NEGR1: variants seen among roughly 807,000 people sequenced by gnomAD.
NEGR1 encodes the protein neuronal growth regulator 1, also known as IgLON family member 4.
In NEGR1, 10 loss-of-function variants were observed where a neutral mutation model predicts 40.9. That is an observed-to-expected ratio of 0.24 (90% CI 0.15 to 0.42). The LOEUF is 0.42. Ranked by LOEUF, NEGR1 falls within the 10% of genes least tolerant of loss-of-function variation. The pLI, the probability that NEGR1 is intolerant of heterozygous loss-of-function variation, is 1.00. For missense variants in NEGR1, 352 were observed against 438.9 expected, an observed-to-expected ratio of 0.80 and a Z score of 1.77; for synonymous variants, 185 against 166.8, an observed-to-expected ratio of 1.11 and a Z score of -0.84.
chr1:71,777,705 A>C lies in NEGR1; in HGVS notation c.410-1408T>G, dbSNP rs981923108. On this transcript the variant is annotated intron_variant, in intron 2 of 6. Coordinates refer to ENST00000357731, the MANE Select transcript of NEGR1 (RefSeq NM_173808.3). ...GTAACTAAAATCTGTTGTGACGATA[A>C]ATTACCCATACTTTGAATTTTTTTT... 3.1e-4 allele frequency among the ~76,000 whole-genome samples: 47 copies of C among 152,024 alleles called. 1 individual carries two copies. Among genetic ancestry groups the C allele is most frequent in the Non-Finnish European group, 1.2e-4 (8 of 67,928 alleles).
chr1:71,927,459 T>G (rs540140725), intron 2 of NEGR1, among the ~76,000 whole-genome samples: 1 of 152,196 alleles, frequency 6.6e-6, no homozygotes, highest in African/African-American at 2.4e-5. Flanking sequence ...AAAACAACCT[T>G]GATTCTGAAT....
At chr1:71,888,359 C>A (rs2101850866) in intron 2 of NEGR1, among the ~76,000 whole-genome samples, 1 of 152,090 alleles carries the variant, frequency 6.6e-6, no homozygotes, top group Admixed American at 6.5e-5. Flanking sequence ...AGTGTGTGCG[C>A]CCACCGTGCG....
At chr1:72,198,871 T>C (rs1262752909) in intron 1 of NEGR1, among the ~76,000 whole-genome samples, 1 of 152,138 alleles carries the variant, frequency 6.6e-6, no homozygotes, top group East Asian at 1.9e-4. Context: ...AATTGACAAA[T>C]ATCAATTGAA....
chr1:71,592,987 T>A lies in NEGR1; in HGVS notation c.789-19A>T. 1 of 1,588,562 alleles carries A rather than the reference T, an allele frequency of 6.3e-7. No individual in the cohort carries two copies. The highest frequency in any genetic ancestry group is 8.6e-7 in the Non-Finnish European group (1 of 1,157,972). ...GAAGAGCCTAGAAGACAAAATAAGC[T>A]CTAGGTAAATATGTATTGTGAATAC... On this transcript the variant is annotated intron_variant, in intron 5 of 6. Transcript: ENST00000357731.
intron 4 of NEGR1, among the ~76,000 whole-genome samples, chr1:71,665,673 T>G (rs1266999024): frequency 4.0e-5 from 6 of 151,476 alleles, no homozygotes; most frequent in African/African-American, 1.2e-4. Flanking sequence ...CCATTCATTC[T>G]AATTTTTTCT....
chr1:71,973,646 CT>C (rs1333183705), intron 1 of NEGR1, among the ~76,000 whole-genome samples: 1 of 152,094 alleles, frequency 6.6e-6, no homozygotes, highest in Non-Finnish European at 1.5e-5. Context: ...TATATCATCT[CT>C]TTTTTTCTCT....
At position 71,910,100 on chromosome 1, in the gene NEGR1, T is replaced by TG. The variant is rs144172750; in HGVS notation, c.409+24978dup. ...ATTTTTAAAAGTAATGCCACATACT[T>TG]GGACATTAAAAGTCAGCCAAGTAAT... is the stretch of plus-strand genomic sequence containing the variant. On this transcript the variant is annotated intron_variant, in intron 2 of 6. Coordinates refer to ENST00000357731, the MANE Select transcript of NEGR1 (RefSeq NM_173808.3). Among the ~76,000 whole-genome samples the TG allele has an allele frequency of 2.4e-3, 366 of 152,326 alleles. 2 individuals carry two copies. The highest frequency in any genetic ancestry group is 8.5e-3 in the African/African-American group (353 of 41,580).
At chr1:71,694,923 T>G (rs1204749078) in intron 4 of NEGR1, among the ~76,000 whole-genome samples, 1 of 151,792 alleles carries the variant, frequency 6.6e-6, no homozygotes, top group African/African-American at 2.4e-5. Flanking sequence ...GAACCTGGCA[T>G]GATACTGTCT....
intron 1 of NEGR1, among the ~76,000 whole-genome samples, chr1:72,015,297 TA>T (rs1297993609): frequency 6.6e-6 from 1 of 152,090 alleles, no homozygotes. Flanking sequence ...TTTGTCTTTT[TA>T]AAAAAGTTTA....
intron 1 of NEGR1, among the ~76,000 whole-genome samples, chr1:72,030,706 G>T (rs1162913201): frequency 6.6e-6 from 1 of 152,078 alleles, no homozygotes; most frequent in Non-Finnish European, 1.5e-5. Context: ...GAACTTACAT[G>T]AGAACATTAG....
At chr1:72,274,483 A>G in intron 1 of NEGR1, 1 of 613,556 alleles carries the variant, frequency 1.6e-6, no homozygotes. Context: ...ACATAGCTAC[A>G]CTGATTAAAA....
intron 1 of NEGR1, among the ~76,000 whole-genome samples, chr1:72,168,426 C>A (rs757110972): frequency 1.3e-5 from 2 of 151,938 alleles, no homozygotes; most frequent in African/African-American, 2.4e-5. Flanking sequence ...CCCACACACA[C>A]AGGTATGTAC....
At chr1:71,564,884 A>G (rs1001508427) in intron 6 of NEGR1, among the ~76,000 whole-genome samples, 1 of 152,126 alleles carries the variant, frequency 6.6e-6, no homozygotes, top group Non-Finnish European at 1.5e-5. Flanking sequence ...AAGGTCACCT[A>G]TTGCAGAGAC....
At chr1:72,101,910 TAAC>T (rs1233641924) in intron 1 of NEGR1, among the ~76,000 whole-genome samples, 1 of 152,180 alleles carries the variant, frequency 6.6e-6, no homozygotes, top group African/African-American at 2.4e-5. Flanking sequence ...TAATGAGGTA[TAAC>T]AACATTATAT....
chr1:72,212,579 C>T (rs1319907278), intron 1 of NEGR1, among the ~76,000 whole-genome samples: 1 of 151,936 alleles, frequency 6.6e-6, no homozygotes, highest in Non-Finnish European at 1.5e-5. Context: ...CTTTAGATGT[C>T]ACTTACATTT....
chr1:71,736,548 A>G (rs910321105), intron 3 of NEGR1, among the ~76,000 whole-genome samples: 4 of 152,158 alleles, frequency 2.6e-5, no homozygotes, highest in Non-Finnish European at 5.9e-5. Context: ...CACTGAGTAC[A>G]GTTTCTTGAA....
At chr1:71,727,653 G>T (rs556895286) in intron 3 of NEGR1, among the ~76,000 whole-genome samples, 2 of 152,192 alleles carry the variant, frequency 1.3e-5, no homozygotes, top group South Asian at 4.2e-4. Context: ...TTCATAAAAT[G>T]GACAGAAGTC....
At chr1:71,705,880 CAAGG>C (rs1015229543) in intron 3 of NEGR1, among the ~76,000 whole-genome samples, 10 of 150,780 alleles carry the variant, frequency 6.6e-5, no homozygotes, top group African/African-American at 2.5e-4. Context: ...AGGAAGGAAG[CAAGG>C]AAGGAAGGAG....
At chr1:72,278,889 T>C (rs901067026) in intron 1 of NEGR1, among the ~76,000 whole-genome samples, 2 of 152,162 alleles carry the variant, frequency 1.3e-5, no homozygotes, top group Non-Finnish European at 2.9e-5. Flanking sequence ...CAATGTATTT[T>C]AGACATCATA....
Sources: gnomAD v4.1 joint callset for allele counts (sites outside exome capture counted in the v4.1 genomes callset) on GRCh38, gnomAD v4.1.1 for gene constraint, MANE v1.5 for transcripts, NCBI Gene and HGNC (gene_info 2026-07-23, HGNC 2026-07-21) for gene names.